IPO8: variants seen among roughly 807,000 people sequenced by gnomAD.
IPO8 encodes the protein importin 8.
A neutral mutation model predicts 141.2 loss-of-function variants in IPO8; 65 were observed. That is an observed-to-expected ratio of 0.46 (90% confidence interval 0.38 to 0.57). The LOEUF (loss-of-function observed/expected upper bound fraction) is 0.57. Ranked by LOEUF, IPO8 falls within the 20% of genes least tolerant of loss-of-function variation. The probability of loss-of-function intolerance (pLI) is 0.00; values close to 1 mark genes in which losing one functional copy is unlikely to be tolerated. For synonymous variants in IPO8, 411 were observed against 420.3 expected (o/e 0.98, Z 0.27); for missense variants, 980 against 1,246.8 (o/e 0.79, Z 3.22).
intron 5 of IPO8, chr12:30,677,393 A>G (rs2053136187): frequency 3.0e-6 from 1 of 334,586 alleles, no homozygotes; most frequent in Non-Finnish European, 5.9e-6. Context: ...TATAAAGTAT[A>G]GCAATTTTAT....
intron 20 of IPO8, among the ~76,000 whole-genome samples, chr12:30,640,095 T>C (rs916872792): frequency 3.9e-5 from 6 of 152,112 alleles, no homozygotes; most frequent in Non-Finnish European, 8.8e-5. Flanking sequence ...CTTTGACAAA[T>C]TAAATTGGAA....
At chr12:30,650,593 T>C (rs1221669465) in intron 19 of IPO8, among the ~76,000 whole-genome samples, 1 of 152,130 alleles carries the variant, frequency 6.6e-6, no homozygotes, top group African/African-American at 2.4e-5. Context: ...GAAACGTTAC[T>C]TAACCTCTTT....
At chr12:30,658,484 G>A (rs557205953) in intron 16 of IPO8, among the ~76,000 whole-genome samples, 1 of 152,184 alleles carries the variant, frequency 6.6e-6, no homozygotes, top group South Asian at 2.1e-4. Flanking sequence ...TTTCACCCAT[G>A]CCTCTCTTGA....
chr12:30,676,710 T>C, intron 5 of IPO8, 123 bp from the exon 6 acceptor site: 5 of 806,422 alleles, frequency 6.2e-6, no homozygotes, highest in South Asian at 6.0e-5. Context: ...AATAGCAATC[T>C]TGTATGGTTC....
intron 1 of IPO8, among the ~76,000 whole-genome samples, chr12:30,690,866 G>A (rs2053285248): frequency 6.6e-6 from 1 of 152,078 alleles, no homozygotes; most frequent in Non-Finnish European, 1.5e-5. Flanking sequence ...AGCAGCATAT[G>A]GTAGTGTCCA....
intron 5 of IPO8, among the ~76,000 whole-genome samples, chr12:30,679,463 C>A (rs2136168552): frequency 6.6e-6 from 1 of 152,180 alleles, no homozygotes; most frequent in East Asian, 1.9e-4. Flanking sequence ...AAAAGGAAGT[C>A]TGGCCTCTGA....
chr12:30,653,172 ACTAC>A, intron 17 of IPO8, 80 bp from the exon 18 acceptor site: 3 of 1,287,020 alleles, frequency 2.3e-6, no homozygotes, highest in Non-Finnish European at 3.3e-6. Flanking sequence ...GAGGGTTTAG[ACTAC>A]CTACGCACAC....
chr12:30,693,723 A>G (rs1034985600), intron 1 of IPO8, among the ~76,000 whole-genome samples: 3 of 152,234 alleles, frequency 2.0e-5, no homozygotes, highest in Non-Finnish European at 4.4e-5. Context: ...GCATTTCACT[A>G]TGCTTTATAT....
At chr12:30,636,958 T>C (rs2052509856) in intron 22 of IPO8, 24 bp downstream of exon 22, 1 of 1,573,416 alleles carries the variant, frequency 6.4e-7, no homozygotes, top group Non-Finnish European at 8.7e-7. Context: ...AATTGTAACA[T>C]TAATTTCAAT....
chr12:30,689,487 G>C (rs2053271397), intron 2 of IPO8, among the ~76,000 whole-genome samples: 2 of 152,098 alleles, frequency 1.3e-5, no homozygotes, highest in African/African-American at 4.8e-5. Flanking sequence ...TCCAACATCA[G>C]TGTTTTTCCA....
intron 9 of IPO8, among the ~76,000 whole-genome samples, chr12:30,669,573 G>A (rs897585218): frequency 4.6e-5 from 7 of 151,984 alleles, no homozygotes; most frequent in East Asian, 1.9e-4. Flanking sequence ...CAGAAGGATC[G>A]CTTGAGGACA....
Position 30,695,557 on chromosome 12 carries a change from T to C in IPO8, c.84+7A>G. 1 of 1,613,394 alleles carries C rather than the reference T, an allele frequency of 6.2e-7. No individual in the cohort carries two copies. Among genetic ancestry groups the C allele is most frequent in the Non-Finnish European group, 8.5e-7 (1 of 1,179,500 alleles). On this transcript the variant is annotated splice_region_variant and intron_variant, in intron 1 of 24. Transcript: ENST00000256079. This position sits in a 1 kb window ranked among gnomAD's most constrained non-coding sequence, Gnocchi z 4.2. ...CGGAAGAGGGTCGCCGAAGACCCTC[T>C]CCTCACCTGGTTGAGCTCGTTCTCG...
Position 30,665,712 on chromosome 12 carries a change from A to G in IPO8, c.1338+17T>C. The stretch of plus-strand genomic sequence containing the variant: ...TTTACAATGTTATTAAGTAAATTAA[A>G]TTTTGATTATCTTAACCTTCAGTAA... On this transcript the variant is annotated intron_variant, in intron 12 of 24. Coordinates refer to ENST00000256079, the MANE Select transcript of IPO8 (RefSeq NM_006390.4). 2 of 1,463,338 alleles carry G rather than the reference A, an allele frequency of 1.4e-6. No homozygotes were observed. Among genetic ancestry groups the G allele is most frequent in the Non-Finnish European group, 1.9e-6 (2 of 1,045,530 alleles). The allele number at this position is 1,463,338 out of a possible 1,614,324, so 90.6% of individuals were successfully genotyped here. A position where few individuals can be genotyped will look rare whatever the true frequency, so the allele number is the denominator to read the frequency against.
At chr12:30,669,645 C>T (rs1052780311) in intron 9 of IPO8, among the ~76,000 whole-genome samples, 1 of 151,834 alleles carries the variant, frequency 6.6e-6, no homozygotes, top group Non-Finnish European at 1.5e-5. Context: ...TACATAAAAA[C>T]GTAGCCAAGC....
intron 20 of IPO8, among the ~76,000 whole-genome samples, chr12:30,642,089 G>A (rs1245081336): frequency 2.6e-5 from 4 of 151,960 alleles, no homozygotes; most frequent in African/African-American, 4.8e-5. Flanking sequence ...CCAGCTACTC[G>A]GGAGGCTGAG....
chr12:30,640,310 G>A (rs1475739495), intron 20 of IPO8, among the ~76,000 whole-genome samples: 1 of 152,000 alleles, frequency 6.6e-6, no homozygotes, highest in Non-Finnish European at 1.5e-5. Context: ...CAGTTAAAGG[G>A]GATGAGCTGA....
chr12:30,641,932 C>A (rs10843800), intron 20 of IPO8, among the ~76,000 whole-genome samples: 80,404 of 151,870 alleles, frequency 0.53, 21,704 homozygotes, highest in African/African-American at 0.61. Flanking sequence ...CAGTGGTTCA[C>A]GCCTGTAATC....
At chr12:30,669,663 C>T (rs112813252) in intron 9 of IPO8, among the ~76,000 whole-genome samples, 163 of 151,764 alleles carry the variant, frequency 1.1e-3, no homozygotes, top group African/African-American at 3.8e-3. Context: ...AGCATGGTGG[C>T]GTCCATCTTG....
chr12:30,678,932 T>C (rs970951360), intron 5 of IPO8, among the ~76,000 whole-genome samples: 4 of 152,162 alleles, frequency 2.6e-5, no homozygotes, highest in Admixed American at 6.5e-5. Context: ...CTCCGCCTCC[T>C]GGGTTTGAGC....
Sources: gnomAD v4.1 joint callset for allele counts (sites outside exome capture counted in the v4.1 genomes callset) on GRCh38, gnomAD v4.1.1 for gene constraint, Gnocchi (gnomAD v3.1) non-coding constraint, MANE v1.5 for transcripts, NCBI Gene and HGNC (gene_info 2026-07-23, HGNC 2026-07-21) for gene names.